ATP2C2: variants seen among roughly 807,000 people sequenced by gnomAD.
The protein encoded by ATP2C2 is ATPase secretory pathway Ca2+ transporting 2, also known as calcium-transporting ATPase type 2C member 2.
ATP2C2 carries 171 observed loss-of-function variants against 110.8 expected under a neutral mutation model. That is an observed-to-expected ratio of 1.54 (90% CI 1.36 to 1.75). ATP2C2 has a LOEUF of 1.75. Ranked by LOEUF, ATP2C2 falls within the 40% of genes most tolerant of loss-of-function variation. ATP2C2 has a pLI of 0.00. For synonymous variants in ATP2C2, 804 were observed against 508.4 expected (o/e 1.58, Z -7.82); for missense variants, 1,963 against 1,235.0 (o/e 1.59, Z -8.84).
chr16:84,369,341 T>G (rs1909816846), intron 1 of ATP2C2, among the ~76,000 whole-genome samples: 2 of 152,168 alleles, frequency 1.3e-5, no homozygotes, highest in South Asian at 4.1e-4. Flanking sequence ...ATAAAGCCCC[T>G]CCTGTTCCTT....
intron 11 of ATP2C2, among the ~76,000 whole-genome samples, chr16:84,428,954 C>T (rs55718173): frequency 0.37 from 56,534 of 151,810 alleles, 10,646 homozygotes; most frequent in South Asian, 0.4. Context: ...TGCTGGGTTG[C>T]AGCCCTTTTT....
At chr16:84,406,013 C>G (rs544433267) in intron 3 of ATP2C2, among the ~76,000 whole-genome samples, 2 of 152,304 alleles carry the variant, frequency 1.3e-5, no homozygotes, top group African/African-American at 4.8e-5. Flanking sequence ...CGTGCTTATA[C>G]TAAAAACAAA....
chr16:84,415,116 C>T (rs1906716576), intron 6 of ATP2C2, among the ~76,000 whole-genome samples: 1 of 152,136 alleles, frequency 6.6e-6, no homozygotes, highest in Non-Finnish European at 1.5e-5. Context: ...CTTCCTGAGA[C>T]AGACCCTGCA....
intron 1 of ATP2C2, among the ~76,000 whole-genome samples, chr16:84,390,656 C>T (rs976459629): frequency 1.3e-5 from 2 of 152,100 alleles, no homozygotes; most frequent in South Asian, 2.1e-4. Flanking sequence ...TTCCTGGGCA[C>T]AGGATTTTCC....
intron 1 of ATP2C2, among the ~76,000 whole-genome samples, chr16:84,386,597 C>T (rs184322438): frequency 2.6e-5 from 4 of 152,258 alleles, no homozygotes; most frequent in South Asian, 2.1e-4. Context: ...GCTCCTTGCT[C>T]GCTGGTGTCA....
At chr16:84,378,953 C>A (rs1910413941) in intron 1 of ATP2C2, among the ~76,000 whole-genome samples, 1 of 152,096 alleles carries the variant, frequency 6.6e-6, no homozygotes, top group African/African-American at 2.4e-5. Context: ...CTGGCCCTCA[C>A]CTACTTTTTT....
At position 84,426,046 on chromosome 16, in the gene ATP2C2, A is replaced by C. The variant is rs117668916; in HGVS notation, c.986+245A>C. On this transcript the variant is annotated intron_variant, in intron 11 of 26. Coordinates refer to ENST00000262429, the MANE Select transcript of ATP2C2 (RefSeq NM_014861.4). ...CCCTTTTGTATTAGGCTGTTCTTGC[A>C]TTGCTAAAAAAAAAAAAAATACCTG... The C allele has an allele frequency of 9.1e-3, 3,589 of 393,728 alleles. 38 individuals are homozygous for C. Among genetic ancestry groups the C allele is most frequent in the Non-Finnish European group, 0.013 (2,936 of 222,412 alleles). The allele number at this position is 393,728 out of a possible 1,614,324, so 24.4% of individuals were successfully genotyped here.
chr16:84,405,519 C>T (rs192378046), intron 3 of ATP2C2, among the ~76,000 whole-genome samples: 5 of 152,332 alleles, frequency 3.3e-5, no homozygotes, highest in Admixed American at 3.3e-4. Context: ...CTTACTAATC[C>T]TCCTCCTAAT....
At chr16:84,440,475 C>G (rs1909141852) in intron 13 of ATP2C2, among the ~76,000 whole-genome samples, 1 of 152,244 alleles carries the variant, frequency 6.6e-6, no homozygotes. Context: ...TGCTTTCATG[C>G]CTCAGTGTGC....
intron 18 of ATP2C2, 110 bp downstream of exon 18, chr16:84,452,201 C>G (rs372044098): frequency 2.2e-6 from 3 of 1,344,746 alleles, no homozygotes; most frequent in East Asian, 4.7e-5. Flanking sequence ...GTGCTCACGC[C>G]TAGCCCTACA....
At chr16:84,431,351 C>T (rs1044500286) in intron 11 of ATP2C2, among the ~76,000 whole-genome samples, 10 of 151,948 alleles carry the variant, frequency 6.6e-5, no homozygotes, top group East Asian at 1.9e-4. Context: ...CAAAATTAGC[C>T]GGGCATGGTG....
intron 11 of ATP2C2, among the ~76,000 whole-genome samples, chr16:84,431,837 C>T (rs911467035): frequency 2.0e-5 from 3 of 152,108 alleles, no homozygotes; most frequent in Non-Finnish European, 1.5e-5. Context: ...TGTTGGCCAC[C>T]CTTGATTTAG....
intron 5 of ATP2C2, 44 bp from the exon 6 acceptor site, chr16:84,410,660 G>C (rs538789181): frequency 6.2e-7 from 1 of 1,613,556 alleles, no homozygotes; most frequent in Non-Finnish European, 8.5e-7. Flanking sequence ...GAGCTTCATG[G>C]AGTCCCCACC....
At chr16:84,405,280 C>G in intron 3 of ATP2C2, 36 bp downstream of exon 3, 1 of 1,547,098 alleles carries the variant, frequency 6.5e-7, no homozygotes, top group Non-Finnish European at 8.9e-7. Flanking sequence ...CATTAACATG[C>G]ATAAGCCAGC....
chr16:84,461,376 C>T (rs1029094190), intron 24 of ATP2C2: 2 of 440,134 alleles, frequency 4.5e-6, no homozygotes, highest in East Asian at 4.4e-5. Flanking sequence ...GACGGCCATC[C>T]TTCAGCCTTC....
At chr16:84,445,379 T>C (rs1909654083) in intron 15 of ATP2C2, among the ~76,000 whole-genome samples, 1 of 152,058 alleles carries the variant, frequency 6.6e-6, no homozygotes, top group South Asian at 2.1e-4. Context: ...TGGCTAACTT[T>C]TTGTATTTTT....
At chr16:84,422,807 A>G (rs1015720458) in intron 9 of ATP2C2, 110 bp downstream of exon 9, 11 of 1,155,438 alleles carry the variant, frequency 9.5e-6, no homozygotes, top group East Asian at 2.4e-5. Flanking sequence ...CATGTGGTTC[A>G]TATGAGTATA....
chr16:84,425,753 G>C lies in ATP2C2; in HGVS notation c.938G>C (p.Gly313Ala), dbSNP rs1377343646. The C allele has an allele frequency of 6.2e-7, 1 of 1,614,108 alleles. No homozygotes were observed. Among genetic ancestry groups the C allele is most frequent in the Admixed American group, 1.7e-5 (1 of 60,020 alleles). The change falls in exon 11 of 27, where the codon GGC (glycine) becomes GCC (alanine). Residue 313 changes from glycine to alanine, a missense_variant. Transcript: ENST00000262429. Reference protein sequence around the residue: ...FGIIGLIMLIGWSQGKQLLSM... With the variant: ...FGIIGLIMLIAWSQGKQLLSM... ...TCCCCAGGTCTCATCATGCTCATTG[G>C]CTGGTCGCAAGGGAAACAACTCCTG...
intron 13 of ATP2C2, 115 bp from the exon 14 acceptor site, chr16:84,440,742 G>A (rs1909171754): frequency 4.0e-6 from 3 of 748,668 alleles, no homozygotes; most frequent in Non-Finnish European, 7.0e-6. Flanking sequence ...TGAAAGCCCT[G>A]TCCACGTTTA....
Sources: gnomAD v4.1 joint callset for allele counts (sites outside exome capture counted in the v4.1 genomes callset) on GRCh38, gnomAD v4.1.1 for gene constraint, MANE v1.5 for transcripts, NCBI Gene and HGNC (gene_info 2026-07-23, HGNC 2026-07-21) for gene names.